UST: variants seen among roughly 807,000 people sequenced by gnomAD.
UST encodes chondroitin sulfate 2-O-sulfotransferase.
A neutral mutation model predicts 45.6 loss-of-function variants in UST; 21 were observed. That is an observed-to-expected ratio of 0.46 (90% CI 0.33 to 0.66). The LOEUF is 0.66. Among genes scored for constraint, UST ranks in the 30% least tolerant of loss-of-function variants. The pLI is 0.02. For synonymous variants in UST, 215 were observed against 200.6 expected (o/e 1.07, Z -0.61); for missense variants, 463 against 512.4 (o/e 0.90, Z 0.93).
intron 7 of UST, among the ~76,000 whole-genome samples, chr6:149,070,425 CAG>C (rs1281961406): frequency 6.6e-6 from 1 of 152,036 alleles, no homozygotes; most frequent in African/African-American, 2.4e-5. Context: ...AGTTATTTAA[CAG>C]AAATTCTAGA....
At chr6:148,913,152 C>T (rs1040507562) in intron 2 of UST, among the ~76,000 whole-genome samples, 4 of 152,174 alleles carry the variant, frequency 2.6e-5, no homozygotes, top group Non-Finnish European at 2.9e-5. Flanking sequence ...TTATGGGCCC[C>T]TCAGCTTGCC....
At chr6:148,949,177 G>C (rs1261980240) in intron 3 of UST, among the ~76,000 whole-genome samples, 1 of 151,816 alleles carries the variant, frequency 6.6e-6, no homozygotes, top group African/African-American at 2.4e-5. Context: ...TATAATCCCA[G>C]CTACTGGGGA....
intron 2 of UST, among the ~76,000 whole-genome samples, chr6:148,936,498 T>C (rs1780028592): frequency 6.6e-6 from 1 of 150,884 alleles, no homozygotes. Flanking sequence ...TCTGTATTGT[T>C]AAACAAGGAT....
chr6:148,960,523 CT>C (rs1780632728), intron 4 of UST, among the ~76,000 whole-genome samples: 1 of 152,166 alleles, frequency 6.6e-6, no homozygotes, highest in Non-Finnish European at 1.5e-5. Flanking sequence ...AGGAGGTAGG[CT>C]TTTGGCAGAA....
At chr6:148,956,323 G>A (rs1420704687) in intron 4 of UST, among the ~76,000 whole-genome samples, 1 of 152,158 alleles carries the variant, frequency 6.6e-6, no homozygotes, top group Non-Finnish European at 1.5e-5. Context: ...CCACGTGGCT[G>A]GGGAGGCCTC....
Position 149,003,689 on chromosome 6 carries a change from T to A in UST, c.682-15450T>A, listed in dbSNP as rs6910931. On this transcript the variant is annotated intron_variant, in intron 5 of 7. Coordinates refer to ENST00000367463, the MANE Select transcript of UST (RefSeq NM_005715.3). The stretch of plus-strand genomic sequence containing the variant: ...GTTTTGCACTAAAATCTGTAGACTT[T>A]TATTCGCCTAATAAAATGACCACAT... Among the ~76,000 whole-genome samples, 378 of 152,318 alleles carry A rather than the reference T, an allele frequency of 2.5e-3. 3 individuals carry two copies. The highest frequency in any genetic ancestry group is 8.7e-3 in the African/African-American group (361 of 41,556).
At chr6:149,028,838 A>T (rs373915916) in intron 7 of UST, among the ~76,000 whole-genome samples, 1 of 152,216 alleles carries the variant, frequency 6.6e-6, no homozygotes, top group African/African-American at 2.4e-5. Flanking sequence ...CCCTTAACTT[A>T]TGCTGAATAT....
chr6:149,046,161 G>T (rs536805401), intron 7 of UST, among the ~76,000 whole-genome samples: 1 of 152,328 alleles, frequency 6.6e-6, no homozygotes, highest in South Asian at 2.1e-4. Flanking sequence ...CCTGTTTATG[G>T]AGCCTAGAGT....
At chr6:149,043,277 TTTTG>T (rs1776354093) in intron 7 of UST, among the ~76,000 whole-genome samples, 1 of 151,032 alleles carries the variant, frequency 6.6e-6, no homozygotes, top group Non-Finnish European at 1.5e-5. Context: ...TACCCACTTA[TTTTG>T]TTTATTTTTT....
At chr6:148,977,056 T>C (rs1412405722) in intron 5 of UST, among the ~76,000 whole-genome samples, 2 of 152,012 alleles carry the variant, frequency 1.3e-5, no homozygotes, top group Non-Finnish European at 2.9e-5. Flanking sequence ...AACATATCAA[T>C]GTAGTTTCTT....
intron 5 of UST, among the ~76,000 whole-genome samples, chr6:148,992,543 G>C (rs538249596): frequency 6.6e-6 from 1 of 152,186 alleles, no homozygotes; most frequent in Admixed American, 6.5e-5. Flanking sequence ...GAGAACCACT[G>C]TGCTAGATTA....
chr6:149,053,233 T>C (rs77735003), intron 7 of UST, among the ~76,000 whole-genome samples: 5,066 of 152,294 alleles, frequency 0.033, 293 homozygotes, highest in African/African-American at 0.11. Flanking sequence ...TTTTTAAAGT[T>C]GTTTATTGAA....
intron 5 of UST, among the ~76,000 whole-genome samples, chr6:149,002,380 A>T (rs1233129906): frequency 2.6e-5 from 4 of 152,240 alleles, no homozygotes; most frequent in Admixed American, 2.6e-4. Context: ...TATTAAAAAT[A>T]GAAAGGTTCA....
chr6:148,951,163 G>A (rs1249956143), intron 3 of UST, among the ~76,000 whole-genome samples: 5 of 152,188 alleles, frequency 3.3e-5, no homozygotes, highest in African/African-American at 1.2e-4. Flanking sequence ...AGCCAGTTGA[G>A]GGAAATAGCA....
chr6:148,808,559 G>T (rs1470755359), intron 1 of UST, among the ~76,000 whole-genome samples: 1 of 151,952 alleles, frequency 6.6e-6, no homozygotes, highest in African/African-American at 2.4e-5. Context: ...GCAGGGTCAG[G>T]TGTGGAATGT....
chr6:149,007,803 A>G (rs1175616744), intron 5 of UST, among the ~76,000 whole-genome samples: 1 of 152,138 alleles, frequency 6.6e-6, no homozygotes, highest in African/African-American at 2.4e-5. Flanking sequence ...CCTAAGGAGC[A>G]AAGGAGCCTG....
intron 1 of UST, among the ~76,000 whole-genome samples, chr6:148,858,848 A>G (rs143698223): frequency 0.22 from 34,116 of 152,148 alleles, 4,039 homozygotes; most frequent in East Asian, 0.41. Flanking sequence ...TTATGGCTGC[A>G]TAGTATTCCA....
At chr6:148,760,877 C>T (rs550293320) in intron 1 of UST, among the ~76,000 whole-genome samples, 4 of 152,232 alleles carry the variant, frequency 2.6e-5, no homozygotes, top group African/African-American at 4.8e-5. Context: ...AGAGGAGACA[C>T]GGCTGGCCAG....
chr6:148,983,842 C>T (rs538602489), intron 5 of UST, among the ~76,000 whole-genome samples: 139 of 152,304 alleles, frequency 9.1e-4, no homozygotes, highest in African/African-American at 3.1e-3. Flanking sequence ...AAAAGGAGGA[C>T]GTAGTCTTCA....
Sources: allele counts gnomAD v4.1 joint callset (sites outside exome capture counted in the v4.1 genomes callset), GRCh38; gene constraint gnomAD v4.1.1; transcripts MANE v1.5; gene names NCBI Gene and HGNC (gene_info 2026-07-23, HGNC 2026-07-21).